The following ABCA10 variants were observed in gnomAD, a reference collection of about 807,000 sequenced individuals.
ABCA10 encodes the protein ATP binding cassette subfamily A member 10.
A neutral mutation model predicts 187.5 loss-of-function variants in ABCA10; 169 were observed. The observed-to-expected ratio is 0.90, with a 90% CI of 0.80 to 1.02. ABCA10 has a LOEUF of 1.02. Ranked by LOEUF, ABCA10 falls within the 50% of genes least tolerant of loss-of-function variation. ABCA10 has a pLI of 0.00. For synonymous variants in ABCA10, 574 were observed against 601.8 expected (o/e 0.95, Z 0.68); for missense variants, 1,727 against 1,812.4 (o/e 0.95, Z 0.86).
At chr17:69,178,415 G>A (rs1251953499) in intron 22 of ABCA10, among the ~76,000 whole-genome samples, 3 of 152,088 alleles carry the variant, frequency 2.0e-5, no homozygotes, top group African/African-American at 7.2e-5. Context: ...CAGCATCAAC[G>A]TCACCCGGTA....
rs192431439 is a variant in ABCA10 at position 69,148,983 on chromosome 17, T to C, written c.4533+50A>G. ...TGTCAGGGTGTGTCTGAAAGATGGA[T>C]TCACACAGAGGTCATCTGGATGGTG... On this transcript the variant is annotated intron_variant, in intron 38 of 38. Transcript: ENST00000690296. 6 of 1,613,036 alleles carry C rather than the reference T, an allele frequency of 3.7e-6. No homozygotes were observed. The East Asian group carries it at 1.1e-4, about 30-fold the overall frequency.
rs993505058 is a variant in ABCA10, at chr17:69,155,009, T to C, written c.3694+10A>G. 4.5e-6 allele frequency: 7 copies of C among 1,541,648 alleles called. No homozygotes were observed. In the Middle Eastern group the frequency reaches 5.1e-4, roughly 113 times the overall value. ...ATTATAATAATAATAAAAGGAACAATTGTTCAAACCTTTTTTAACACAAAA... is the reference window on the plus strand; with the variant it reads ...ATTATAATAATAATAAAAGGAACAACTGTTCAAACCTTTTTTAACACAAAA... On this transcript the variant is annotated intron_variant, in intron 30 of 38. Coordinates refer to ENST00000690296, the MANE Select transcript of ABCA10 (RefSeq NM_001377321.1).
At chr17:69,196,431 G>A (rs545313891) in intron 11 of ABCA10, 10 of 182,660 alleles carry the variant, frequency 5.5e-5, no homozygotes, top group African/African-American at 1.9e-4. Flanking sequence ...CGGGGCAGAG[G>A]CGCTCCCCAC....
Position 69,149,108 on chromosome 17 carries a change from C to T in ABCA10, c.4478-20G>A, listed in dbSNP as rs2074109520. 3 of 1,613,284 alleles carry T rather than the reference C, an allele frequency of 1.9e-6. No homozygotes were observed. The highest frequency in any genetic ancestry group is 1.7e-6 in the Non-Finnish European group (2 of 1,179,394). On this transcript the variant is annotated intron_variant, in intron 37 of 38. Transcript: ENST00000690296. Reference sequence around the variant, plus strand: ...GTTTCACTGCATGTAAAGAGACTGACATTAGTGGCTTATATATTTTTCACC... The same window carrying T: ...GTTTCACTGCATGTAAAGAGACTGATATTAGTGGCTTATATATTTTTCACC...
At chr17:69,150,395 CT>C (rs2074119100) in intron 36 of ABCA10, 3 of 190,496 alleles carry the variant, frequency 1.6e-5, no homozygotes, top group Non-Finnish European at 3.3e-5. Context: ...TACCTTTCCC[CT>C]CTCTCATAGG....
At chr17:69,242,013 A>G (rs2074905685) in intron 1 of ABCA10, among the ~76,000 whole-genome samples, 2 of 152,244 alleles carry the variant, frequency 1.3e-5, no homozygotes, top group Admixed American at 6.5e-5. Flanking sequence ...TTACTAAAGA[A>G]TTAGAAGATA....
At chr17:69,169,926 G>A (rs559460151) in intron 25 of ABCA10, among the ~76,000 whole-genome samples, 1 of 152,108 alleles carries the variant, frequency 6.6e-6, no homozygotes, top group African/African-American at 2.4e-5. Context: ...CATAGTATTT[G>A]TAATTATTAA....
intron 22 of ABCA10, among the ~76,000 whole-genome samples, chr17:69,177,968 A>AT (rs1343214863): frequency 3.6e-3 from 160 of 44,436 alleles, no homozygotes; most frequent in Middle Eastern, 0.02. Flanking sequence ...AAAAAAAAAA[A>AT]AAAAAATATA....
chr17:69,194,524 A>AT (rs1568063900), intron 11 of ABCA10, 29 bp from the exon 12 acceptor site: 1 of 1,534,592 alleles, frequency 6.5e-7, no homozygotes, highest in Non-Finnish European at 8.9e-7. Context: ...TGGAAATTAG[A>AT]TTTTGGATTA....
At chr17:69,155,655 TACTTTTA>T in intron 29 of ABCA10, 143 bp downstream of exon 29, 1 of 1,041,026 alleles carries the variant, frequency 9.6e-7, no homozygotes, top group Non-Finnish European at 1.3e-6. Context: ...ACAGGGTAGT[TACTTTTA>T]AAGAGAATAA....
chr17:69,164,676 T>C (rs952214124), intron 26 of ABCA10, among the ~76,000 whole-genome samples: 2 of 152,136 alleles, frequency 1.3e-5, no homozygotes, highest in African/African-American at 2.4e-5. Context: ...TTTATAACAA[T>C]GGAAAAGTTT....
At chr17:69,207,430 C>T (rs1208298517) in intron 9 of ABCA10, among the ~76,000 whole-genome samples, 1 of 152,170 alleles carries the variant, frequency 6.6e-6, no homozygotes, top group African/African-American at 2.4e-5. Flanking sequence ...GAAGAGATAT[C>T]TGCACTCCCA....
chr17:69,206,284 G>A lies in ABCA10; in HGVS notation c.1007-4616C>T, dbSNP rs2144823136. ...TAAAATTTGTCCCCCGACATGATCA[G>A]AGGTATCATTTAAAGGAAAAAAATG... On this transcript the variant is annotated intron_variant, in intron 9 of 38. Coordinates refer to ENST00000690296, the MANE Select transcript of ABCA10 (RefSeq NM_001377321.1). 1.3e-5 allele frequency among the ~76,000 whole-genome samples: 2 copies of A among 152,292 alleles called. 1 individual carries two copies. The highest frequency in any genetic ancestry group is 4.1e-4 in the South Asian group (2 of 4,826).
At chr17:69,178,113 C>T (rs1056119645) in intron 22 of ABCA10, among the ~76,000 whole-genome samples, 8 of 149,152 alleles carry the variant, frequency 5.4e-5, no homozygotes, top group Non-Finnish European at 1.0e-4. Context: ...GAATTTAAAA[C>T]AGACCAGGAA....
intron 9 of ABCA10, among the ~76,000 whole-genome samples, chr17:69,210,237 C>T (rs1449322863): frequency 3.3e-5 from 4 of 122,672 alleles, no homozygotes; most frequent in East Asian, 2.3e-4. Context: ...GGCCGGACTG[C>T]GGACTGCAGT....
chr17:69,191,210 A>G lies in ABCA10; in HGVS notation c.1977T>C (p.Tyr659=), dbSNP rs1183895155. The G allele has an allele frequency of 1.2e-5, 20 of 1,603,372 alleles. No homozygotes were observed. Among genetic ancestry groups the G allele is most frequent in the Non-Finnish European group, 1.5e-5 (18 of 1,174,172 alleles). The change falls in exon 17 of 39, where the codon TAT becomes TAC. Residue 659 remains tyrosine, a synonymous_variant. Transcript: ENST00000690296. ...TGTTCGTTTTTTCCAAAGGCAAACT[A>G]TATACAAGTTTTTCTTCACTTTCTG... ...LTTESEEKLV[Y]SLPLEKTNKF...
At position 69,219,404 on chromosome 17, in the gene ABCA10, C is replaced by T. The variant is rs930511135; in HGVS notation, c.530+141G>A. 5 of 522,110 alleles carry T rather than the reference C, an allele frequency of 9.6e-6. No individual in the cohort carries two copies. The East Asian group carries it at 1.6e-4, about 16-fold the overall frequency. 32.3% of individuals were successfully genotyped at this position (522,110 alleles called of 1,614,324 possible). A position where few individuals can be genotyped will look rare whatever the true frequency, so the allele number is the denominator to read the frequency against. On this transcript the variant is annotated intron_variant, in intron 6 of 38. Coordinates refer to ENST00000690296, the MANE Select transcript of ABCA10 (RefSeq NM_001377321.1). ...ATCCTTACTTACTTTCTACTGCAAG[C>T]ATCTTAAACTCTAATGCAAGTAAGG...
chr17:69,154,642 C>G (rs914182949), intron 30 of ABCA10, among the ~76,000 whole-genome samples: 2 of 151,984 alleles, frequency 1.3e-5, no homozygotes, highest in East Asian at 3.9e-4. Context: ...CCAGGCTGGT[C>G]TCGAAATCCT....
At chr17:69,187,582 A>G in intron 19 of ABCA10, 99 bp downstream of exon 19, 1 of 1,284,722 alleles carries the variant, frequency 7.8e-7, no homozygotes. Context: ...ATACAAAAAA[A>G]CTGTTAAATG....
Sources: allele counts gnomAD v4.1 joint callset (sites outside exome capture counted in the v4.1 genomes callset), GRCh38; gene constraint gnomAD v4.1.1; transcripts MANE v1.5; gene names NCBI Gene and HGNC (gene_info 2026-07-23, HGNC 2026-07-21).